SLC24A2: variants seen among roughly 807,000 people sequenced by gnomAD.
The protein encoded by SLC24A2 is solute carrier family 24 member 2.
Under a neutral mutation model 62.0 loss-of-function variants are expected in SLC24A2, and 36 were observed. The observed-to-expected ratio is 0.58, with a 90% CI of 0.44 to 0.77. The LOEUF is 0.77. Among genes scored for constraint, SLC24A2 ranks in the 30% least tolerant of loss-of-function variants. The pLI, the probability that SLC24A2 is intolerant of heterozygous loss-of-function variation, is 0.00. For synonymous variants in SLC24A2, 358 were observed against 294.0 expected (o/e 1.22, Z -2.23); for missense variants, 846 against 817.9 (o/e 1.03, Z -0.42).
chr9:19,575,969 A>AAT (rs1835997833), intron 6 of SLC24A2, among the ~76,000 whole-genome samples: 3 of 149,676 alleles, frequency 2.0e-5, no homozygotes, highest in Non-Finnish European at 3.0e-5. Context: ...GAAGCAGAAA[A>AAT]ATATATATAT....
the SLC24A2 span, among the ~76,000 whole-genome samples, chr9:20,195,727 A>T: frequency 6.6e-6 from 1 of 152,078 alleles, no homozygotes; most frequent in Non-Finnish European, 1.5e-5. Flanking sequence ...ACTCTTTATC[A>T]TCTAAGTGAC....
At chr9:20,129,362 G>A in the SLC24A2 span, among the ~76,000 whole-genome samples, 4 of 152,106 alleles carry the variant, frequency 2.6e-5, no homozygotes. Flanking sequence ...AAATGGTGCA[G>A]CTGCTGCTGA....
chr9:19,573,529 C>CACACACACACAG (rs1390433234), intron 6 of SLC24A2, 60 bp from the exon 7 acceptor site: 243 of 431,570 alleles, frequency 5.6e-4, no homozygotes, highest in East Asian at 4.2e-3. Context: ...CACACACACA[C>CACACACACACAG]AGAGAGAGAG....
intron 8 of SLC24A2, among the ~76,000 whole-genome samples, chr9:19,530,741 C>T (rs753747274): frequency 1.6e-4 from 25 of 152,244 alleles, no homozygotes; most frequent in Admixed American, 1.2e-3. Context: ...TAATGGGCAT[C>T]GAACCATACC....
At chr9:20,220,157 T>C in the SLC24A2 span, among the ~76,000 whole-genome samples, 31 of 152,146 alleles carry the variant, frequency 2.0e-4, no homozygotes, top group Non-Finnish European at 4.1e-4. Flanking sequence ...CAAGTATTTC[T>C]CACTGATTTC....
intron 2 of SLC24A2, among the ~76,000 whole-genome samples, chr9:19,690,502 G>C (rs1375809661): frequency 6.6e-6 from 1 of 152,100 alleles, no homozygotes; most frequent in African/African-American, 2.4e-5. Context: ...TGAGATGTAA[G>C]CTAAGATCTA....
chr9:20,089,276 G>A, the SLC24A2 span, among the ~76,000 whole-genome samples: 13 of 152,130 alleles, frequency 8.5e-5, no homozygotes, highest in African/African-American at 1.2e-4. Context: ...TCCCGGTCCC[G>A]GTCCCGGTCC....
chr9:19,647,998 A>G (rs1221219364), intron 2 of SLC24A2, among the ~76,000 whole-genome samples: 1 of 152,212 alleles, frequency 6.6e-6, no homozygotes, highest in African/African-American at 2.4e-5. Flanking sequence ...GGCAAGAAAG[A>G]AAGATAAAAG....
chr9:19,862,571 T>C, the SLC24A2 span, among the ~76,000 whole-genome samples: 1 of 152,042 alleles, frequency 6.6e-6, no homozygotes, highest in Non-Finnish European at 1.5e-5. Context: ...CTGTGGTGTA[T>C]AAACTACTCT....
Position 19,513,173 on chromosome 9 carries a change from T to TATATATACAC in SLC24A2, c.*2979_*2980insGTGTATATAT, listed in dbSNP as rs1426104637. The TATATATACAC allele has an allele frequency of 1.7e-5, 1 of 59,704 alleles. No individual in the cohort carries two copies. The highest frequency in any genetic ancestry group is 6.5e-5 in the African/African-American group (1 of 15,430). 3.7% of individuals were successfully genotyped at this position (59,704 alleles called of 1,614,324 possible). ...ATAAAGATATATATATATATATATA[T>TATATATACAC]ATGTATATATATATATATGTATATA... On this transcript the variant is annotated 3_prime_UTR_variant, in exon 11 of 11. Transcript: ENST00000341998.
At chr9:20,151,193 T>C in the SLC24A2 span, among the ~76,000 whole-genome samples, 8 of 152,090 alleles carry the variant, frequency 5.3e-5, no homozygotes, top group Non-Finnish European at 8.8e-5. Flanking sequence ...TCAGAAAGAA[T>C]GGGCCTTCCC....
the SLC24A2 span, among the ~76,000 whole-genome samples, chr9:19,862,046 C>G: frequency 6.6e-6 from 1 of 152,026 alleles, no homozygotes; most frequent in African/African-American, 2.4e-5. Flanking sequence ...GGGATAATAA[C>G]AGAACTTCTC....
At chr9:19,733,770 C>G (rs1821411199) in intron 2 of SLC24A2, among the ~76,000 whole-genome samples, 1 of 152,196 alleles carries the variant, frequency 6.6e-6, no homozygotes, top group Non-Finnish European at 1.5e-5. Context: ...TTGGGCACCT[C>G]TGACCTACGT....
chr9:20,018,738 G>GTAT, the SLC24A2 span, among the ~76,000 whole-genome samples: 19 of 151,858 alleles, frequency 1.3e-4, no homozygotes, highest in Non-Finnish European at 4.4e-5. Flanking sequence ...ATTGAGGTAG[G>GTAT]TATTATTATT....
chr9:19,638,309 T>C (rs1452112066), intron 2 of SLC24A2, among the ~76,000 whole-genome samples: 1 of 152,214 alleles, frequency 6.6e-6, no homozygotes, highest in Non-Finnish European at 1.5e-5. Context: ...AGCCCTATTA[T>C]AGTCAATGCA....
chr9:20,140,720 C>A, the SLC24A2 span, among the ~76,000 whole-genome samples: 1 of 152,134 alleles, frequency 6.6e-6, no homozygotes, highest in Non-Finnish European at 1.5e-5. Flanking sequence ...CATCTCCAGG[C>A]TCTTGATGTT....
the SLC24A2 span, among the ~76,000 whole-genome samples, chr9:20,043,352 G>A: frequency 8.1e-4 from 123 of 152,326 alleles, no homozygotes; most frequent in African/African-American, 2.5e-3. Context: ...TGCAGCCCAT[G>A]TGTCAAGCAG....
chr9:19,748,620 C>A (rs1821899109), intron 2 of SLC24A2, among the ~76,000 whole-genome samples: 1 of 152,042 alleles, frequency 6.6e-6, no homozygotes, highest in African/African-American at 2.4e-5. Flanking sequence ...CAATATTGGT[C>A]AGTCCCTTCA....
intron 10 of SLC24A2, among the ~76,000 whole-genome samples, chr9:19,520,035 AACAT>A (rs1279593243): frequency 6.6e-6 from 1 of 152,208 alleles, no homozygotes; most frequent in Non-Finnish European, 1.5e-5. Context: ...AATGGAGAAA[AACAT>A]ACACACAGTG....
Sources: allele counts gnomAD v4.1 joint callset (sites outside exome capture counted in the v4.1 genomes callset), GRCh38; gene constraint gnomAD v4.1.1; transcripts MANE v1.5; gene names NCBI Gene and HGNC (gene_info 2026-07-23, HGNC 2026-07-21).